PALMD: variants seen among roughly 807,000 people sequenced by gnomAD.
The protein encoded by PALMD is paralemmin-like protein.
Under a neutral mutation model 56.2 loss-of-function variants are expected in PALMD, and 42 were observed. The observed-to-expected ratio is 0.75, with a 90% CI of 0.58 to 0.97. The LOEUF is 0.97. Among genes scored for constraint, PALMD ranks in the 50% least tolerant of loss-of-function variants. PALMD has a pLI of 0.00. For synonymous variants in PALMD, 242 were observed against 222.9 expected (o/e 1.09, Z -0.76); for missense variants, 660 against 643.8 (o/e 1.03, Z -0.27).
At position 99,676,855 on chromosome 1, in the gene PALMD, G is replaced by A. The variant is rs113164954; in HGVS notation, c.251+9089G>A. On this transcript the variant is annotated intron_variant, in intron 3 of 7. Transcript: ENST00000263174. Reference sequence around the variant, plus strand: ...CAACTTTATTAAGAAAATGTAGTTTGGCACTACCATTGGCCAAATTATCTA... The same window carrying A: ...CAACTTTATTAAGAAAATGTAGTTTAGCACTACCATTGGCCAAATTATCTA... Among the ~76,000 whole-genome samples, 891 of 152,094 alleles carry A rather than the reference G, an allele frequency of 5.9e-3. 9 individuals carry two copies. Among genetic ancestry groups the A allele is most frequent in the African/African-American group, 0.021 (857 of 41,474 alleles).
intron 1 of PALMD, among the ~76,000 whole-genome samples, chr1:99,652,711 AAAAGAAAAGAAAAGAAAAGAAAAGAAAAG>A (rs1272320254): frequency 8.3e-5 from 8 of 96,468 alleles, no homozygotes; most frequent in East Asian, 3.1e-4. Flanking sequence ...AAAAGAAAAG[AAAAGAAAAGAAAAGAAAAGAAAAGAAAAG>A]AAAGAAAACT....
rs950606288 is a variant in PALMD, at chr1:99,671,671, A to AT, written c.251+3913dup. On this transcript the variant is annotated intron_variant, in intron 3 of 7. Coordinates refer to ENST00000263174, the MANE Select transcript of PALMD (RefSeq NM_017734.5). ...TCTTTCCATTTGGAAATAATCTATG[A>AT]TTTTTTTTATGGCTTAAAGTCTAGA... 2.0e-4 allele frequency among the ~76,000 whole-genome samples: 31 copies of AT among 152,136 alleles called. 1 individual carries two copies. Among genetic ancestry groups the AT allele is most frequent in the African/African-American group, 6.5e-4 (27 of 41,538 alleles).
In PALMD at chr1:99,667,764, C is replaced by G. The variant is rs1410460053; in HGVS notation, c.249C>G (p.Leu83=). Residue 83 remains leucine, a splice_region_variant and synonymous_variant, in exon 3 of 8, where the codon CTC becomes CTG. Coordinates refer to ENST00000263174, the MANE Select transcript of PALMD (RefSeq NM_017734.5). ...HQIQVLEQSI[L]RLEKEIQDLE... ...TCCAGGTTCTAGAACAAAGTATCCTCAGGTATGGCCCTCACTGAGATACTC... is the reference window on the plus strand; with the variant it reads ...TCCAGGTTCTAGAACAAAGTATCCTGAGGTATGGCCCTCACTGAGATACTC... 5 of 1,613,290 alleles carry G rather than the reference C, an allele frequency of 3.1e-6. No individual in the cohort carries two copies. The South Asian group carries it at 5.5e-5, about 18-fold the overall frequency.
chr1:99,693,554 G>T (rs1653709623), intron 7 of PALMD, among the ~76,000 whole-genome samples: 2 of 152,082 alleles, frequency 1.3e-5, no homozygotes, highest in Non-Finnish European at 2.9e-5. Context: ...ATTTGTTTTT[G>T]TTATTGTATA....
intron 1 of PALMD, among the ~76,000 whole-genome samples, chr1:99,651,070 C>G (rs1652574120): frequency 6.6e-6 from 1 of 152,158 alleles, no homozygotes; most frequent in African/African-American, 2.4e-5. Context: ...CAAAGAAATT[C>G]ACATGAAGAT....
At chr1:99,675,023 G>C (rs546868250) in intron 3 of PALMD, among the ~76,000 whole-genome samples, 1 of 152,152 alleles carries the variant, frequency 6.6e-6, no homozygotes, top group Non-Finnish European at 1.5e-5. Context: ...TCTGCCATAA[G>C]GCAAATGTCA....
intron 3 of PALMD, among the ~76,000 whole-genome samples, chr1:99,681,243 T>C (rs1446076756): frequency 6.6e-6 from 1 of 152,012 alleles, no homozygotes; most frequent in Admixed American, 6.6e-5. Context: ...AAGGAATATA[T>C]ATATTTTTTC....
chr1:99,655,676 A>AC lies in PALMD; in HGVS notation c.46-6638dup, dbSNP rs1219090645. On this transcript the variant is annotated intron_variant, in intron 1 of 7. Transcript: ENST00000263174. Reference sequence around the variant, plus strand: ...TTCTGTCATGTCTATAAATTTTTCTACCCCCTGAAATGAAACCCATCAGAG... The same window carrying AC: ...TTCTGTCATGTCTATAAATTTTTCTACCCCCCTGAAATGAAACCCATCAGAG... Among the ~76,000 whole-genome samples the AC allele has an allele frequency of 2.0e-5, 3 of 151,954 alleles. No individual in the cohort carries two copies. In the East Asian group the frequency reaches 5.8e-4, roughly 29 times the overall value.
intron 6 of PALMD, 144 bp downstream of exon 6, chr1:99,687,333 G>A (rs1048638001): frequency 4.1e-5 from 33 of 801,506 alleles, no homozygotes; most frequent in Admixed American, 9.1e-5. Context: ...GTGAGTCACC[G>A]CATAGGTGAG....
At position 99,688,948 on chromosome 1, in the gene PALMD, G is replaced by A; in HGVS notation, c.688G>A (p.Gly230Ser). ...TTCTAATCACAGTGCAGCATACAAT[G>A]GCACCGATGGCCTGGCACCAGTTGA... is the stretch of plus-strand genomic sequence containing the variant. ...VSSNHSAAYN[G>S]TDGLAPVEVE... The change falls in exon 7 of 8, where the codon GGC becomes AGC. Residue 230 changes from glycine to serine, a missense_variant. By Grantham distance (56) the Gly-to-Ser change is moderately conservative. Coordinates refer to ENST00000263174, the MANE Select transcript of PALMD (RefSeq NM_017734.5). 6.2e-7 allele frequency: 1 copy of A among 1,613,574 alleles called. No homozygotes were observed. Among genetic ancestry groups the A allele is most frequent in the African/African-American group, 1.3e-5 (1 of 74,962 alleles).
chr1:99,678,373 G>A (rs1653262556), intron 3 of PALMD, among the ~76,000 whole-genome samples: 1 of 152,040 alleles, frequency 6.6e-6, no homozygotes, highest in African/African-American at 2.4e-5. Context: ...CCAAAGTGCT[G>A]GGATTACAGG....
intron 2 of PALMD, 49 bp downstream of exon 2, chr1:99,662,448 C>A: frequency 9.5e-7 from 1 of 1,048,688 alleles, no homozygotes; most frequent in South Asian, 1.4e-5. Context: ...TTCAAAAATT[C>A]TATTGGTACT....
chr1:99,655,464 ACATTCC>A (rs1404638655), intron 1 of PALMD, among the ~76,000 whole-genome samples: 2 of 152,040 alleles, frequency 1.3e-5, no homozygotes, highest in Non-Finnish European at 2.9e-5. Context: ...TCTAAATACC[ACATTCC>A]TTGTCTGGAT....
chr1:99,681,711 T>G (rs1653350807), intron 3 of PALMD, among the ~76,000 whole-genome samples: 1 of 152,146 alleles, frequency 6.6e-6, no homozygotes, highest in Admixed American at 6.6e-5. Flanking sequence ...AACTGTTCTG[T>G]GCATGACAGG....
At chr1:99,678,112 A>AT (rs749171548) in intron 3 of PALMD, among the ~76,000 whole-genome samples, 3,469 of 137,320 alleles carry the variant, frequency 0.025, 62 homozygotes, top group African/African-American at 0.054. Context: ...GTCCTTTTCT[A>AT]TTTTTTTTTT....
chr1:99,673,704 C>T (rs1453515627), intron 3 of PALMD, among the ~76,000 whole-genome samples: 2 of 151,966 alleles, frequency 1.3e-5, no homozygotes, highest in African/African-American at 4.8e-5. Context: ...AATTCAGGAG[C>T]TTCACTTTTA....
chr1:99,692,714 A>G (rs1653676716), intron 7 of PALMD, among the ~76,000 whole-genome samples: 1 of 152,096 alleles, frequency 6.6e-6, no homozygotes, highest in African/African-American at 2.4e-5. Context: ...CCTCACTCCT[A>G]CTCTCTTTTG....
chr1:99,676,096 G>T (rs890066926), intron 3 of PALMD, among the ~76,000 whole-genome samples: 1 of 152,102 alleles, frequency 6.6e-6, no homozygotes, highest in Non-Finnish European at 1.5e-5. Flanking sequence ...GCATTGTATT[G>T]TTTGTCCTAT....
chr1:99,650,285 GAAAAAAAAAAAAAAAAAAAAA>G (rs200081370), intron 1 of PALMD, among the ~76,000 whole-genome samples: 208 of 116,964 alleles, frequency 1.8e-3, no homozygotes, highest in Middle Eastern at 5.2e-3. Flanking sequence ...TGCTCATAAT[GAAAAAAAAAAAAAAAAAAAAA>G]AAAAAAAAAA....
Sources: allele counts gnomAD v4.1 joint callset (sites outside exome capture counted in the v4.1 genomes callset), GRCh38; gene constraint gnomAD v4.1.1; transcripts MANE v1.5; gene names NCBI Gene and HGNC (gene_info 2026-07-23, HGNC 2026-07-21).